ABCB1: variants seen among roughly 807,000 people sequenced by gnomAD.
ABCB1 encodes the protein ATP-dependent translocase ABCB1.
ABCB1 carries 69 observed loss-of-function variants against 142.0 expected under a neutral mutation model. The ratio of observed to expected loss-of-function variants is 0.49; its 90% CI spans 0.40 to 0.59. ABCB1 has a LOEUF of 0.59. Among genes scored for constraint, ABCB1 ranks in the 20% least tolerant of loss-of-function variants. The pLI, the probability that ABCB1 is intolerant of heterozygous loss-of-function variation, is 0.00. For missense variants in ABCB1, 1,326 were observed against 1,554.7 expected (o/e 0.85, Z 2.47); for synonymous variants, 532 against 539.2 (o/e 0.99, Z 0.18).
At chr7:87,660,335 A>T (rs1824561140) in intron 1 of ABCB1, among the ~76,000 whole-genome samples, 1 of 151,970 alleles carries the variant, frequency 6.6e-6, no homozygotes, top group Non-Finnish European at 1.5e-5. Flanking sequence ...TCTATTTTGT[A>T]TTCTCCTTAA....
At chr7:87,512,644 T>G (rs377613944) in intron 25 of ABCB1, among the ~76,000 whole-genome samples, 173 of 152,348 alleles carry the variant, frequency 1.1e-3, no homozygotes, top group African/African-American at 4.0e-3. Context: ...CAATAAAAAC[T>G]AATTAGTAGT....
intron 1 of ABCB1, among the ~76,000 whole-genome samples, chr7:87,692,607 A>T (rs1018453508): frequency 2.6e-5 from 4 of 152,192 alleles, no homozygotes; most frequent in Non-Finnish European, 5.9e-5. Flanking sequence ...AATTTCTTTA[A>T]GTCAGATTTT....
intron 1 of ABCB1, among the ~76,000 whole-genome samples, chr7:87,681,319 A>G (rs1405305721): frequency 6.6e-6 from 1 of 150,624 alleles, no homozygotes; most frequent in Non-Finnish European, 1.5e-5. Flanking sequence ...TTCTCAACTC[A>G]TTTTATAAGG....
At chr7:87,640,325 A>C (rs767809297) in intron 1 of ABCB1, among the ~76,000 whole-genome samples, 2 of 151,486 alleles carry the variant, frequency 1.3e-5, no homozygotes, top group Non-Finnish European at 2.9e-5. Context: ...TTTTGGAAAA[A>C]TTTTGGTTAT....
intron 1 of ABCB1, among the ~76,000 whole-genome samples, chr7:87,635,747 T>A (rs1327849140): frequency 2.0e-5 from 3 of 152,222 alleles, no homozygotes; most frequent in Non-Finnish European, 4.4e-5. Flanking sequence ...TGTTCAAATA[T>A]CAAGACCTCC....
chr7:87,632,716 T>C (rs1432419712), intron 1 of ABCB1, among the ~76,000 whole-genome samples: 2 of 152,232 alleles, frequency 1.3e-5, no homozygotes, highest in African/African-American at 2.4e-5. Flanking sequence ...CTGTCCTTTA[T>C]AAGCTTCATT....
chr7:87,666,206 T>C (rs1016500059), intron 1 of ABCB1, among the ~76,000 whole-genome samples: 13 of 152,166 alleles, frequency 8.5e-5, no homozygotes, highest in Non-Finnish European at 1.2e-4. Flanking sequence ...TGGTATCTCA[T>C]TGTGGTTTTG....
At chr7:87,613,820 G>A (rs1211842519) in intron 1 of ABCB1, among the ~76,000 whole-genome samples, 1 of 152,022 alleles carries the variant, frequency 6.6e-6, no homozygotes, top group Non-Finnish European at 1.5e-5. Flanking sequence ...TAACAAACCT[G>A]CACATATACC....
At chr7:87,504,911 C>G (rs1814666325) in intron 27 of ABCB1, among the ~76,000 whole-genome samples, 1 of 151,604 alleles carries the variant, frequency 6.6e-6, no homozygotes, top group South Asian at 2.1e-4. Context: ...TTTGTCATAT[C>G]AGATGACTGA....
At chr7:87,676,865 G>A (rs1215349073) in intron 1 of ABCB1, among the ~76,000 whole-genome samples, 1 of 152,040 alleles carries the variant, frequency 6.6e-6, no homozygotes, top group African/African-American at 2.4e-5. Flanking sequence ...ACTGATATAT[G>A]AAAAGACACT....
chr7:87,639,604 T>A (rs1294961750), intron 1 of ABCB1, among the ~76,000 whole-genome samples: 2 of 152,186 alleles, frequency 1.3e-5, no homozygotes, highest in Non-Finnish European at 2.9e-5. Context: ...TGTGGTCTCT[T>A]CCTAGTAGTT....
chr7:87,557,623 C>A (rs527675424), intron 8 of ABCB1, among the ~76,000 whole-genome samples: 5 of 152,150 alleles, frequency 3.3e-5, no homozygotes, highest in African/African-American at 1.2e-4. Context: ...TTTGTTTATT[C>A]TTCTAATTAA....
chr7:87,639,562 G>T (rs1203579711), intron 1 of ABCB1, among the ~76,000 whole-genome samples: 1 of 151,974 alleles, frequency 6.6e-6, no homozygotes, highest in Non-Finnish European at 1.5e-5. Flanking sequence ...TAAATATTTT[G>T]TTTTGTTACT....
At chr7:87,640,802 C>T (rs1822369678) in intron 1 of ABCB1, among the ~76,000 whole-genome samples, 1 of 152,010 alleles carries the variant, frequency 6.6e-6, no homozygotes, top group African/African-American at 2.4e-5. Context: ...ATGTCTTATG[C>T]TTTGTCTATT....
rs369444179 is a variant in ABCB1, at chr7:87,647,966, T to C, written c.-330-46888A>G. Among the ~76,000 whole-genome samples the C allele has an allele frequency of 1.3e-3, 191 of 152,084 alleles. 6 individuals are homozygous for C. The South Asian group carries it at 0.039, about 31-fold the overall frequency. ...TTGGGAGGCCAAGGCAGGTGGATCA[T>C]GAGGTCAAGAAATCGAGACCATCCT... On this transcript the variant is annotated intron_variant, in intron 1 of 28. Coordinates refer to the ABCB1 transcript ENST00000265724.
At chr7:87,678,092 C>T (rs1198916377) in intron 1 of ABCB1, among the ~76,000 whole-genome samples, 1 of 152,176 alleles carries the variant, frequency 6.6e-6, no homozygotes, top group African/African-American at 2.4e-5. Flanking sequence ...AAACTTGGAA[C>T]TTCATGAATG....
At position 87,505,921 on chromosome 7, in the gene ABCB1, T is replaced by C; in HGVS notation, c.3612A>G (p.Ser1204=). ...PHILLLDEAT[S]ALDTESEKVV... is the part of the protein sequence containing the mutation. ...CCTTTTCACTTTCTGTATCCAGAGC[T>C]GACGTGGCTTCATCCAAAAGCAAAA... Residue 1204 remains serine (S), a synonymous_variant, in exon 27 of 28, where the codon TCA becomes TCG. Coordinates refer to ENST00000622132, the MANE Select transcript of ABCB1 (RefSeq NM_001348946.2). 1 of 1,614,212 alleles carries C rather than the reference T, an allele frequency of 6.2e-7. No homozygotes were observed. The highest frequency in any genetic ancestry group is 1.1e-5 in the South Asian group (1 of 91,086).
intron 19 of ABCB1, among the ~76,000 whole-genome samples, chr7:87,537,917 A>C (rs770766403): frequency 1.3e-5 from 2 of 152,136 alleles, no homozygotes; most frequent in African/African-American, 2.4e-5. Context: ...AGTATCTATC[A>C]TTTTTCCCAA....
intron 1 of ABCB1, among the ~76,000 whole-genome samples, chr7:87,618,916 C>A (rs1032722052): frequency 6.6e-6 from 1 of 152,132 alleles, no homozygotes; most frequent in Non-Finnish European, 1.5e-5. Context: ...CCCACTCTTA[C>A]AACTACAATG....
Sources: allele counts gnomAD v4.1 joint callset (sites outside exome capture counted in the v4.1 genomes callset), GRCh38; gene constraint gnomAD v4.1.1; transcripts MANE v1.5; gene names NCBI Gene and HGNC (gene_info 2026-07-23, HGNC 2026-07-21).